Variants in SS18L1 observed in about 807,000 individuals in gnomAD.
SS18L1 encodes calcium-responsive transactivator.
In SS18L1, 32 loss-of-function variants were observed where a neutral mutation model predicts 70.3. The observed-to-expected ratio is 0.46, with a 90% CI of 0.34 to 0.61. The LOEUF is 0.61. SS18L1 is among the 20% of genes least tolerant of loss of function. The pLI, the probability that SS18L1 is intolerant of heterozygous loss-of-function variation, is 0.01. For missense variants in SS18L1, 430 were observed against 542.1 expected, an observed-to-expected ratio of 0.79 and a Z score of 2.05; for synonymous variants, 237 against 229.7, an observed-to-expected ratio of 1.03 and a Z score of -0.29.
intron 10 of SS18L1, chr20:62,175,538 A>G (rs762750019): frequency 2.7e-6 from 2 of 743,468 alleles, no homozygotes; most frequent in South Asian, 6.1e-5. Context: ...AGCACAGGGC[A>G]TATGAAGGAG....
intron 10 of SS18L1, 65 bp from the exon 11 acceptor site, chr20:62,179,117 G>A (rs1040750638): frequency 6.3e-7 from 1 of 1,582,780 alleles, no homozygotes; most frequent in Non-Finnish European, 8.7e-7. Context: ...CCGGGCTGGG[G>A]TGGACGTCTG....
intron 8 of SS18L1, among the ~76,000 whole-genome samples, chr20:62,171,290 G>C (rs6061448): frequency 0.075 from 11,362 of 152,110 alleles, 1,335 homozygotes; most frequent in African/African-American, 0.25. Flanking sequence ...TGACACCCTT[G>C]AAAACCCACT....
At chr20:62,167,126 A>C (rs1382773956) in intron 8 of SS18L1, among the ~76,000 whole-genome samples, 3 of 126,156 alleles carry the variant, frequency 2.4e-5, no homozygotes, top group Non-Finnish European at 3.2e-5. Flanking sequence ...GCTCACTGCC[A>C]CCTCCGCCTC....
Position 62,158,856 on chromosome 20 carries a change from CA to C in SS18L1, c.146+109del. 2.5e-6 allele frequency: 4 copies of C among 1,609,544 alleles called. No homozygotes were observed. Among genetic ancestry groups the C allele is most frequent in the Non-Finnish European group, 3.4e-6 (4 of 1,178,280 alleles). Reference sequence around the variant, plus strand: ...CCCAGCACAGAGATCAGATAAGTCCCAGGAGTCCCCAGCACGGAGGCCAGAT... The same window carrying C: ...CCCAGCACAGAGATCAGATAAGTCCCGGAGTCCCCAGCACGGAGGCCAGAT... On this transcript the variant is annotated intron_variant, in intron 2 of 10. Transcript: ENST00000331758. This position sits in a 1 kb window ranked among gnomAD's most constrained non-coding sequence, Gnocchi z 4.5.
Position 62,179,437 on chromosome 20 carries a change from G to A in SS18L1, c.*229G>A. 3.5e-6 allele frequency: 2 copies of A among 574,862 alleles called. No individual in the cohort carries two copies. Among genetic ancestry groups the A allele is most frequent in the Non-Finnish European group, 6.2e-6 (2 of 320,406 alleles). The allele number at this position is 574,862 out of a possible 1,614,324, so 35.6% of individuals were successfully genotyped here. ...TTTGGTGCTGTGTATAGTATTGTAT[G>A]TCGGTACACGGAGAGGTATCCTTTT... On this transcript the variant is annotated 3_prime_UTR_variant, in exon 11 of 11. Transcript: ENST00000331758.
chr20:62,149,871 T>G (rs2057096280), intron 1 of SS18L1, among the ~76,000 whole-genome samples: 2 of 152,284 alleles, frequency 1.3e-5, no homozygotes, highest in Non-Finnish European at 2.9e-5. Flanking sequence ...AGCACATGGA[T>G]GAGATGCATA....
intron 9 of SS18L1, among the ~76,000 whole-genome samples, chr20:62,173,246 A>G (rs932308775): frequency 7.9e-5 from 12 of 152,140 alleles, no homozygotes; most frequent in Non-Finnish European, 5.9e-5. Flanking sequence ...GCAGCTTACA[A>G]TCACCCAGGA....
rs538283154 is a variant in SS18L1 at position 62,174,838 on chromosome 20, A to T, written c.1164+194A>T. On this transcript the variant is annotated intron_variant, in intron 10 of 10. Coordinates refer to ENST00000331758, the MANE Select transcript of SS18L1 (RefSeq NM_198935.3). The surrounding 1 kb of genome is among the most constrained non-coding windows in gnomAD (Gnocchi z 4.1). Reference sequence around the variant, plus strand: ...GTGTATACGCTCACCTCAGTCATCCAGCTGGCTTTTCATACCCTAAGCTCA... The same window carrying T: ...GTGTATACGCTCACCTCAGTCATCCTGCTGGCTTTTCATACCCTAAGCTCA... The T allele has an allele frequency of 6.6e-5, 97 of 1,465,398 alleles. No homozygotes were observed. In the African/African-American group the frequency reaches 8.7e-4, roughly 13 times the overall value. The allele number at this position is 1,465,398 out of a possible 1,614,324, so 90.8% of individuals were successfully genotyped here.
chr20:62,166,896 G>A (rs1464611602), intron 8 of SS18L1, among the ~76,000 whole-genome samples: 1 of 150,918 alleles, frequency 6.6e-6, no homozygotes, highest in African/African-American at 2.5e-5. Context: ...TTGCACTCCA[G>A]CCTGGGCAAC....
At chr20:62,175,008 GA>G (rs1272369702) in intron 10 of SS18L1, 1 of 835,290 alleles carries the variant, frequency 1.2e-6, no homozygotes, top group Non-Finnish European at 1.4e-6. Flanking sequence ...TCTCGCTACA[GA>G]GACATAAGGT....
rs150866507 is a variant in SS18L1, at chr20:62,163,220, G to T, written c.557-238G>T. Among the ~76,000 whole-genome samples, 25 of 152,280 alleles carry T rather than the reference G, an allele frequency of 1.6e-4. No individual in the cohort carries two copies. The East Asian group carries it at 4.7e-3, about 28-fold the overall frequency. On this transcript the variant is annotated intron_variant, in intron 5 of 10. Coordinates refer to ENST00000331758, the MANE Select transcript of SS18L1 (RefSeq NM_198935.3). ...GTGGGGGCCACTGGCCCTGGGTCTG[G>T]ACAGACAGCACTGGGCTCTCAGAGG...
intron 1 of SS18L1, among the ~76,000 whole-genome samples, chr20:62,155,927 T>G (rs2057213800): frequency 6.6e-6 from 1 of 152,168 alleles, no homozygotes; most frequent in African/African-American, 2.4e-5. Context: ...GGCCTGGGGT[T>G]TGGGGTGTCC....
chr20:62,167,979 CTTT>C (rs575045754), intron 8 of SS18L1, among the ~76,000 whole-genome samples: 86 of 105,016 alleles, frequency 8.2e-4, no homozygotes, highest in African/African-American at 2.7e-3. Flanking sequence ...CCAGGCCTGG[CTTT>C]TTTTTTTTTT....
chr20:62,174,815 G>A lies in SS18L1; in HGVS notation c.1164+171G>A. 2 of 1,505,428 alleles carry A rather than the reference G, an allele frequency of 1.3e-6. No individual in the cohort carries two copies. The highest frequency in any genetic ancestry group is 1.8e-6 in the Non-Finnish European group (2 of 1,124,542). The allele number at this position is 1,505,428 out of a possible 1,614,324, so 93.3% of individuals were successfully genotyped here. A position where few individuals can be genotyped will look rare whatever the true frequency, so the allele number is the denominator to read the frequency against. ...TAAGGTTTTGCAGAATTGCCTCTGTGTATACGCTCACCTCAGTCATCCAGC... is the reference window on the plus strand; with the variant it reads ...TAAGGTTTTGCAGAATTGCCTCTGTATATACGCTCACCTCAGTCATCCAGC... On this transcript the variant is annotated intron_variant, in intron 10 of 10. Transcript: ENST00000331758. This position sits in a 1 kb window ranked among gnomAD's most constrained non-coding sequence, Gnocchi z 4.1.
rs1191781231 is a variant in SS18L1, at chr20:62,172,739, A to G, written c.974A>G (p.Gln325Arg). Residue 325 changes from glutamine to arginine, a missense_variant, in exon 9 of 11, where the codon CAG (glutamine) becomes CGG (arginine). Gln to Arg is a conservative substitution (Grantham distance 43). Coordinates refer to ENST00000331758, the MANE Select transcript of SS18L1 (RefSeq NM_198935.3). ...TACCAGCAGGGTGCCGCGCAGCAGC[A>G]GACGTACTCCCAGCAGCAGTACCCC... Reference protein sequence around the residue: ...AGYQQGAAQQQTYSQQQYPSQ... With the variant: ...AGYQQGAAQQRTYSQQQYPSQ... 6.2e-7 allele frequency: 1 copy of G among 1,613,964 alleles called. No homozygotes were observed. The highest frequency in any genetic ancestry group is 2.2e-5 in the East Asian group (1 of 44,892).
Position 62,179,464 on chromosome 20 carries a change from T to C in SS18L1, c.*256T>C. ...CGGTACACGGAGAGGTATCCTTTTTTTGTCCCCCGCCCCCTTCTCAATGTT... is the reference window on the plus strand; with the variant it reads ...CGGTACACGGAGAGGTATCCTTTTTCTGTCCCCCGCCCCCTTCTCAATGTT... On this transcript the variant is annotated 3_prime_UTR_variant, in exon 11 of 11. Transcript: ENST00000331758. 1.9e-6 allele frequency: 1 copy of C among 536,538 alleles called. No individual in the cohort carries two copies. Among genetic ancestry groups the C allele is most frequent in the Non-Finnish European group, 3.3e-6 (1 of 299,024 alleles). The allele number at this position is 536,538 out of a possible 1,614,324, so 33.2% of individuals were successfully genotyped here. A position where few individuals can be genotyped will look rare whatever the true frequency, so the allele number is the denominator to read the frequency against.
In SS18L1 at chr20:62,172,567, G is replaced by A. The variant is rs759705518; in HGVS notation, c.917-115G>A. Reference sequence around the variant, plus strand: ...ATGGTTGTGAAAAAATAAACATGCCGAAGCAATGGATTTGGTTTTGGGATT... The same window carrying A: ...ATGGTTGTGAAAAAATAAACATGCCAAAGCAATGGATTTGGTTTTGGGATT... On this transcript the variant is annotated intron_variant, in intron 8 of 10. Coordinates refer to ENST00000331758, the MANE Select transcript of SS18L1 (RefSeq NM_198935.3). The A allele has an allele frequency of 4.3e-5, 63 of 1,478,234 alleles. 1 individual carries two copies. The Middle Eastern group carries it at 7.0e-4, about 16-fold the overall frequency. 91.6% of individuals were successfully genotyped at this position (1,478,234 alleles called of 1,614,324 possible).
rs2057717737 is a variant in SS18L1, at chr20:62,181,965, A to G, written c.*2757A>G. ...ATTGTGAATTTGAAAAATGATGGCCAGTTTTCAGAAGTGCTGACAAATTCA... is the reference window on the plus strand; with the variant it reads ...ATTGTGAATTTGAAAAATGATGGCCGGTTTTCAGAAGTGCTGACAAATTCA... On this transcript the variant is annotated 3_prime_UTR_variant, in exon 11 of 11. Transcript: ENST00000331758. 4.4e-6 allele frequency: 1 copy of G among 228,628 alleles called. No homozygotes were observed. Among genetic ancestry groups the G allele is most frequent in the African/African-American group, 2.2e-5 (1 of 45,090 alleles). The allele number at this position is 228,628 out of a possible 1,614,324, so 14.2% of individuals were successfully genotyped here.
Position 62,161,402 on chromosome 20 carries a change from C to T in SS18L1, c.232-34C>T. Reference sequence around the variant, plus strand: ...GTGGAGGTCGCTCTCCGTAAATTAACCGTTTTTCCCTGAAAACTTCCTGTT... The same window carrying T: ...GTGGAGGTCGCTCTCCGTAAATTAATCGTTTTTCCCTGAAAACTTCCTGTT... On this transcript the variant is annotated intron_variant, in intron 3 of 10. Transcript: ENST00000331758. This position sits in a 1 kb window ranked among gnomAD's most constrained non-coding sequence, Gnocchi z 4.4. 4 of 1,612,666 alleles carry T rather than the reference C, an allele frequency of 2.5e-6. No individual in the cohort carries two copies. The highest frequency in any genetic ancestry group is 3.4e-6 in the Non-Finnish European group (4 of 1,179,942).
Sources: gnomAD v4.1 joint callset for allele counts (sites outside exome capture counted in the v4.1 genomes callset) on GRCh38, gnomAD v4.1.1 for gene constraint, Gnocchi (gnomAD v3.1) non-coding constraint, MANE v1.5 for transcripts, NCBI Gene and HGNC (gene_info 2026-07-23, HGNC 2026-07-21) for gene names.